Variants in DAB1 observed in about 807,000 individuals in gnomAD.
DAB1 encodes the protein disabled homolog 1.
A neutral mutation model predicts 64.6 loss-of-function variants in DAB1; 15 were observed. The observed-to-expected ratio is 0.23, with a 90% confidence interval of 0.16 to 0.36. DAB1 has a LOEUF of 0.36. DAB1 is among the 10% of genes least tolerant of loss of function. DAB1 has a pLI of 1.00. For missense variants in DAB1, 596 were observed against 706.7 expected, an observed-to-expected ratio of 0.84 and a Z score of 1.78; for synonymous variants, 235 against 251.9, an observed-to-expected ratio of 0.93 and a Z score of 0.64.
chr1:57,232,030 T>C (rs1185916246), intron 2 of DAB1, among the ~76,000 whole-genome samples: 5 of 152,194 alleles, frequency 3.3e-5, no homozygotes, highest in Non-Finnish European at 7.3e-5. Flanking sequence ...CCTCCCCAGA[T>C]TTCAACTCTT....
chr1:58,298,946 ATAAG>A (rs1344760961), intron 4 of DAB1, among the ~76,000 whole-genome samples: 1 of 152,192 alleles, frequency 6.6e-6, no homozygotes, highest in Non-Finnish European at 1.5e-5. Context: ...TTTTATGTAT[ATAAG>A]AGTCACTAGG....
intron 2 of DAB1, among the ~76,000 whole-genome samples, chr1:57,205,726 TAAGTGG>T (rs1665484456): frequency 6.6e-6 from 1 of 152,200 alleles, no homozygotes; most frequent in South Asian, 2.1e-4. Context: ...ACACAGCTAG[TAAGTGG>T]CAGACCTGAG....
intron 5 of DAB1, chr1:58,080,072 C>T (rs1227320660): frequency 1.3e-5 from 2 of 152,088 alleles, no homozygotes; most frequent in African/African-American, 4.8e-5. Flanking sequence ...GTGGCTTAGC[C>T]AATGGGAAAG....
At chr1:58,301,494 AT>A (rs11433230) in intron 4 of DAB1, among the ~76,000 whole-genome samples, 118 of 150,192 alleles carry the variant, frequency 7.9e-4, no homozygotes, top group Non-Finnish European at 1.2e-3. Flanking sequence ...TATTTTGCGA[AT>A]TTTTTTTTTA....
chr1:57,355,020 A>G (rs1226470044), intron 1 of DAB1, among the ~76,000 whole-genome samples: 1 of 152,058 alleles, frequency 6.6e-6, no homozygotes, highest in African/African-American at 2.4e-5. Context: ...TTCTTGGCCC[A>G]AAGAAAGAAA....
chr1:57,348,828 G>C (rs1032439972), intron 1 of DAB1, among the ~76,000 whole-genome samples: 2 of 152,004 alleles, frequency 1.3e-5, no homozygotes, highest in Admixed American at 1.3e-4. Flanking sequence ...ACGTGGTTTT[G>C]GTTCTTTTAT....
upstream of DAB1, among the ~76,000 whole-genome samples, chr1:57,424,240 C>G (rs1281413171): frequency 1.3e-5 from 2 of 151,034 alleles, no homozygotes; most frequent in Admixed American, 6.6e-5. Context: ...CCCCTCGCCC[C>G]GGCCTCGCGG....
Position 57,071,544 on chromosome 1 carries a change from T to G in DAB1, c.536A>C (p.Gln179Pro). The change falls in exon 6 of 15, where the codon CAG becomes CCG. Residue 179 changes from glutamine (Q) to proline (P), a missense_variant. Physicochemically the swap from Gln to Pro is moderately conservative, Grantham distance 76. Transcript: ENST00000371236. Reference protein sequence around the residue: ...ELEKKAQKDKQCEQAVYQTIL... With the variant: ...ELEKKAQKDKPCEQAVYQTIL... ...TACCTGGTACACAGCTTGTTCACAC[T>G]GCTTATCCTTTTGTGCCTTTTTTTC... The G allele has an allele frequency of 6.2e-7, 1 of 1,613,912 alleles. No homozygotes were observed. The highest frequency in any genetic ancestry group is 8.5e-7 in the Non-Finnish European group (1 of 1,179,894).
intron 9 of DAB1, among the ~76,000 whole-genome samples, chr1:57,039,459 G>A (rs1010804466): frequency 9.9e-5 from 15 of 152,120 alleles, no homozygotes; most frequent in African/African-American, 3.6e-4. Context: ...ATTAGTTTAG[G>A]GAAGGGATGA....
In DAB1 at chr1:57,000,200, C is replaced by T. The variant is rs185902000; in HGVS notation, c.*16-2072G>A. Among the ~76,000 whole-genome samples, 708 of 152,102 alleles carry T rather than the reference C, an allele frequency of 4.7e-3. 1 individual carries two copies. Among genetic ancestry groups the T allele is most frequent in the Non-Finnish European group, 8.3e-3 (563 of 67,988 alleles). ...CTGGGACTACAGGTGCCCACCACCA[C>T]GCCCGGCTAATTTTTTATATTTTTT... is the stretch of plus-strand genomic sequence containing the variant. On this transcript the variant is annotated intron_variant, in intron 14 of 14. Transcript: ENST00000371236.
intron 5 of DAB1, among the ~76,000 whole-genome samples, chr1:57,945,464 G>A (rs936388330): frequency 1.6e-5 from 2 of 128,708 alleles, no homozygotes; most frequent in South Asian, 2.4e-4. Context: ...TATTTTGGCA[G>A]AGATGGGGTC....
intron 6 of DAB1, among the ~76,000 whole-genome samples, chr1:57,702,841 C>T (rs917521573): frequency 2.0e-5 from 3 of 152,064 alleles, no homozygotes; most frequent in Non-Finnish European, 4.4e-5. Context: ...CAAAAACAGA[C>T]ACATAGACCA....
chr1:58,292,425 G>C (rs1000657853), intron 4 of DAB1, among the ~76,000 whole-genome samples: 1 of 152,168 alleles, frequency 6.6e-6, no homozygotes, highest in Middle Eastern at 3.2e-3. Flanking sequence ...GAGGATTAAG[G>C]ATGAAAAATA....
At chr1:57,398,252 A>G (rs911344634) in intron 1 of DAB1, among the ~76,000 whole-genome samples, 2 of 152,330 alleles carry the variant, frequency 1.3e-5, no homozygotes, top group Non-Finnish European at 2.9e-5. Flanking sequence ...TAGGGAGGTG[A>G]CAACATGTAT....
At chr1:57,343,666 T>A (rs1558204673) in intron 1 of DAB1, among the ~76,000 whole-genome samples, 1 of 150,638 alleles carries the variant, frequency 6.6e-6, no homozygotes, top group Non-Finnish European at 1.5e-5. Flanking sequence ...AGCCCCTCAC[T>A]GCCTGGGGCC....
chr1:57,379,151 G>T (rs17115685), intron 1 of DAB1, among the ~76,000 whole-genome samples: 1 of 151,270 alleles, frequency 6.6e-6, no homozygotes, highest in African/African-American at 2.4e-5. Flanking sequence ...AGTAAGGAGG[G>T]GCTACCAGCT....
chr1:58,498,798 A>T (rs926709763), intron 3 of DAB1, among the ~76,000 whole-genome samples: 2 of 144,504 alleles, frequency 1.4e-5, no homozygotes, highest in Non-Finnish European at 2.9e-5. Flanking sequence ...TTCATCTTTT[A>T]AAAAAATTAT....
intron 6 of DAB1, among the ~76,000 whole-genome samples, chr1:57,669,618 G>T (rs757056397): frequency 6.6e-6 from 1 of 152,088 alleles, no homozygotes; most frequent in Non-Finnish European, 1.5e-5. Context: ...GCTGTCTGAC[G>T]CAATAAACCA....
chr1:57,815,669 TA>T (rs542137983), intron 6 of DAB1, among the ~76,000 whole-genome samples: 3,688 of 130,080 alleles, frequency 0.028, 98 homozygotes, highest in East Asian at 0.14. Flanking sequence ...TATTTTCAAC[TA>T]AAAAAAAAAA....
Sources: allele counts gnomAD v4.1 joint callset (sites outside exome capture counted in the v4.1 genomes callset), GRCh38; gene constraint gnomAD v4.1.1; transcripts MANE v1.5; gene names NCBI Gene and HGNC (gene_info 2026-07-23, HGNC 2026-07-21).